DPP10: variants seen among roughly 807,000 people sequenced by gnomAD.
DPP10 encodes the protein inactive dipeptidyl peptidase 10.
In DPP10, 33 loss-of-function variants were observed where a neutral mutation model predicts 120.9. That is an observed-to-expected ratio of 0.27 (90% CI 0.21 to 0.37). DPP10 has a LOEUF of 0.37. Among genes scored for constraint, DPP10 ranks in the 10% least tolerant of loss-of-function variants. The probability of loss-of-function intolerance (pLI) is 1.00; values close to 1 mark genes in which losing one functional copy is unlikely to be tolerated. For synonymous variants in DPP10, 337 were observed against 326.1 expected, an observed-to-expected ratio of 1.03 and a Z score of -0.36; for missense variants, 816 against 942.8, an observed-to-expected ratio of 0.87 and a Z score of 1.76.
intron 3 of DPP10, among the ~76,000 whole-genome samples, chr2:115,481,117 A>G (rs1461056398): frequency 6.6e-6 from 1 of 152,180 alleles, no homozygotes; most frequent in Non-Finnish European, 1.5e-5. Flanking sequence ...AAGATAAAGT[A>G]TGAAAATATA....
intron 1 of DPP10, among the ~76,000 whole-genome samples, chr2:115,117,814 A>T (rs1000770739): frequency 6.6e-6 from 1 of 152,100 alleles, no homozygotes; most frequent in African/African-American, 2.4e-5. Flanking sequence ...AGGGTCGGGG[A>T]GGGGAGGAAA....
chr2:115,262,984 T>A (rs1192265307), intron 1 of DPP10, among the ~76,000 whole-genome samples: 1 of 152,156 alleles, frequency 6.6e-6, no homozygotes, highest in African/African-American at 2.4e-5. Flanking sequence ...AAATACATAG[T>A]GTGACTGGCA....
intron 1 of DPP10, among the ~76,000 whole-genome samples, chr2:114,593,082 A>G (rs1691599246): frequency 6.6e-6 from 1 of 152,218 alleles, no homozygotes; most frequent in Non-Finnish European, 1.5e-5. Context: ...TGAGACTTTT[A>G]TCAACAGTTA....
In DPP10 at chr2:115,845,355, C is replaced by T. The variant is rs1214675151; in HGVS notation, c.*3010C>T. On this transcript the variant is annotated 3_prime_UTR_variant, in exon 26 of 26. Coordinates refer to ENST00000410059, the MANE Select transcript of DPP10 (RefSeq NM_020868.6). Reference sequence around the variant, plus strand: ...TTTCACTTTCTGTTCTGGGGATTCTCTGATACTAATTTTGGCTACTTGGTA... The same window carrying T: ...TTTCACTTTCTGTTCTGGGGATTCTTTGATACTAATTTTGGCTACTTGGTA... 6.6e-5 allele frequency: 10 copies of T among 152,190 alleles called. No individual in the cohort carries two copies. The highest frequency in any genetic ancestry group is 2.4e-4 in the African/African-American group (10 of 41,440). 9.4% of individuals were successfully genotyped at this position (152,190 alleles called of 1,614,324 possible). A position where few individuals can be genotyped will look rare whatever the true frequency, so the allele number is the denominator to read the frequency against.
rs554361922 is a variant in DPP10 at position 115,478,805 on chromosome 2, C to T, written c.272-20705C>T. Among the ~76,000 whole-genome samples the T allele has an allele frequency of 3.0e-4, 45 of 152,210 alleles. 1 individual carries two copies. The highest frequency in any genetic ancestry group is 1.9e-4 in the Non-Finnish European group (13 of 67,994). ...TCCAATAATCATGAAAAAAGATGCTCAATGTCACTAATCATTAGGAAAATG... is the reference window on the plus strand; with the variant it reads ...TCCAATAATCATGAAAAAAGATGCTTAATGTCACTAATCATTAGGAAAATG... On this transcript the variant is annotated intron_variant, in intron 3 of 25. Transcript: ENST00000410059.
Position 115,300,197 on chromosome 2 carries a change from T to G in DPP10, c.61-9042T>G, listed in dbSNP as rs557686708. On this transcript the variant is annotated intron_variant, in intron 1 of 25. Transcript: ENST00000410059. ...TTTTTTCATCTTATCAAACTGAAAC[T>G]GCATAACCATTAAAAAGATAACTTC... Among the ~76,000 whole-genome samples, 94 of 152,186 alleles carry G rather than the reference T, an allele frequency of 6.2e-4. 1 individual carries two copies. In the South Asian group the frequency reaches 0.01, roughly 17 times the overall value.
At chr2:115,299,387 A>T (rs1400277170) in intron 1 of DPP10, among the ~76,000 whole-genome samples, 2 of 151,958 alleles carry the variant, frequency 1.3e-5, no homozygotes, top group African/African-American at 2.4e-5. Flanking sequence ...GGAGCCAAGA[A>T]AATGTTCTCG....
At chr2:114,862,202 A>G (rs1353620030) in intron 1 of DPP10, among the ~76,000 whole-genome samples, 1 of 152,174 alleles carries the variant, frequency 6.6e-6, no homozygotes, top group African/African-American at 2.4e-5. Context: ...ACAAAGGTAA[A>G]ATGAAATGGA....
intron 5 of DPP10, among the ~76,000 whole-genome samples, chr2:115,531,257 A>C (rs186261304): frequency 6.6e-6 from 1 of 151,844 alleles, no homozygotes; most frequent in East Asian, 2.0e-4. Context: ...TGTCCCATTG[A>C]GACAGAAACT....
At chr2:114,596,121 AC>A (rs1691887460) in intron 1 of DPP10, among the ~76,000 whole-genome samples, 1 of 147,426 alleles carries the variant, frequency 6.8e-6, no homozygotes, top group Admixed American at 6.9e-5. Context: ...TTTAAAAATT[AC>A]TTGTGAATCA....
chr2:114,871,567 T>C (rs533930497), intron 1 of DPP10, among the ~76,000 whole-genome samples: 1 of 152,354 alleles, frequency 6.6e-6, no homozygotes, highest in South Asian at 2.1e-4. Flanking sequence ...TAACCCATTA[T>C]ACTTTGAGTT....
At chr2:114,877,021 T>TG (rs1313145583) in intron 1 of DPP10, among the ~76,000 whole-genome samples, 1 of 151,948 alleles carries the variant, frequency 6.6e-6, no homozygotes, top group Non-Finnish European at 1.5e-5. Flanking sequence ...AGCATGAATG[T>TG]TATCACTCAT....
At chr2:115,478,495 C>T (rs780955146) in intron 3 of DPP10, among the ~76,000 whole-genome samples, 3 of 152,066 alleles carry the variant, frequency 2.0e-5, no homozygotes, top group Non-Finnish European at 4.4e-5. Flanking sequence ...TTGGGTTTGG[C>T]AGTAATATTT....
chr2:114,633,598 GATTTT>G (rs1049786692), intron 1 of DPP10, among the ~76,000 whole-genome samples: 18 of 150,816 alleles, frequency 1.2e-4, no homozygotes, highest in Non-Finnish European at 2.4e-4. Context: ...ACTTTTTGTG[GATTTT>G]ATTTTATTTT....
chr2:115,621,247 T>C (rs1331284598), intron 5 of DPP10, among the ~76,000 whole-genome samples: 3 of 152,230 alleles, frequency 2.0e-5, no homozygotes, highest in Non-Finnish European at 2.9e-5. Flanking sequence ...GGTATCTTTT[T>C]AACTTAAGTG....
intron 1 of DPP10, among the ~76,000 whole-genome samples, chr2:115,087,449 G>A (rs1056093431): frequency 6.6e-6 from 1 of 152,024 alleles, no homozygotes; most frequent in African/African-American, 2.4e-5. Context: ...ACAGATTGCT[G>A]GCCCCACCTT....
chr2:114,927,589 A>T (rs1169061784), intron 1 of DPP10, among the ~76,000 whole-genome samples: 3 of 152,282 alleles, frequency 2.0e-5, no homozygotes, highest in African/African-American at 7.2e-5. Flanking sequence ...CGGAATATGC[A>T]TCCATCTCTG....
intron 1 of DPP10, among the ~76,000 whole-genome samples, chr2:115,016,369 G>A (rs1702636521): frequency 6.6e-6 from 1 of 152,060 alleles, no homozygotes; most frequent in South Asian, 2.1e-4. Context: ...ATGGAATAAA[G>A]ACTAAACATA....
chr2:115,422,231 A>G (rs1164756144), intron 3 of DPP10, among the ~76,000 whole-genome samples: 1 of 152,222 alleles, frequency 6.6e-6, no homozygotes, highest in Admixed American at 6.5e-5. Context: ...TCCTAATGTC[A>G]TAAATTGTTA....
Sources: gnomAD v4.1 joint callset for allele counts (sites outside exome capture counted in the v4.1 genomes callset) on GRCh38, gnomAD v4.1.1 for gene constraint, MANE v1.5 for transcripts, NCBI Gene and HGNC (gene_info 2026-07-23, HGNC 2026-07-21) for gene names.